The following PTPN12 variants were observed in gnomAD, a reference collection of about 807,000 sequenced individuals.
The protein encoded by PTPN12 is tyrosine-protein phosphatase non-receptor type 12.
Under a neutral mutation model 97.6 loss-of-function variants are expected in PTPN12, and 29 were observed. That is an observed-to-expected ratio of 0.30 (90% confidence interval 0.22 to 0.41). PTPN12 has a LOEUF of 0.41. Among genes scored for constraint, PTPN12 ranks in the 10% least tolerant of loss-of-function variants. The probability of loss-of-function intolerance (pLI) is 1.00; values close to 1 mark genes in which losing one functional copy is unlikely to be tolerated. For synonymous variants in PTPN12, 327 were observed against 300.4 expected, an observed-to-expected ratio of 1.09 and a Z score of -0.91; for missense variants, 819 against 926.0, an observed-to-expected ratio of 0.88 and a Z score of 1.50.
chr7:77,545,306 C>G, intron 1 of PTPN12, among the ~76,000 whole-genome samples: 1 of 152,184 alleles, frequency 6.6e-6, no homozygotes, highest in Non-Finnish European at 1.5e-5. Flanking sequence ...ATCATACTCA[C>G]TTTCAAGTGG....
chr7:77,560,023 C>T (rs377488442), intron 1 of PTPN12, among the ~76,000 whole-genome samples: 7 of 152,182 alleles, frequency 4.6e-5, no homozygotes, highest in South Asian at 2.1e-4. Flanking sequence ...CTGTTCATCT[C>T]TTATCACTAG....
chr7:77,568,212 A>G (rs1481795025), intron 1 of PTPN12, among the ~76,000 whole-genome samples: 2 of 152,178 alleles, frequency 1.3e-5, no homozygotes, highest in African/African-American at 4.8e-5. Flanking sequence ...ATGAAAATCC[A>G]AACTTAAATA....
rs375276952 is a variant in PTPN12, at chr7:77,632,420, A to G, written c.2069A>G (p.Glu690Gly). 20 of 1,605,494 alleles carry G rather than the reference A, an allele frequency of 1.2e-5. No homozygotes were observed. The highest frequency in any genetic ancestry group is 1.6e-5 in the Non-Finnish European group (19 of 1,172,546). ...CCTGAATCGTTTGTGTTAGCAAGTG[A>G]ACATAGTGAGTGTCTCTTTTGCTTT... ...RTPESFVLAS[E>G]HNTPVRSEWS... Residue 690 changes from glutamate (E) to glycine (G), a missense_variant, in exon 14 of 18, where the codon GAA becomes GGA. Glu to Gly is a moderately conservative substitution (Grantham distance 98). This residue lies in a region of PTPN12 where 607 missense variants were observed against 577.3 expected (regional missense o/e 1.05). Transcript: ENST00000248594.
chr7:77,595,653 ATATTTAC>A (rs1788000567), intron 6 of PTPN12, among the ~76,000 whole-genome samples: 1 of 152,266 alleles, frequency 6.6e-6, no homozygotes, highest in African/African-American at 2.4e-5. Flanking sequence ...AAAGCCAAAA[ATATTTAC>A]TATCTGGTCC....
Position 77,600,813 on chromosome 7 carries a change from A to C in PTPN12, c.695+7A>C. 6.3e-7 allele frequency: 1 copy of C among 1,578,288 alleles called. No individual in the cohort carries two copies. ...CTATTTGTATTCATTGCAGGTACAA[A>C]AGAATTTCCCAAGTTTATAAATACA... On this transcript the variant is annotated splice_region_variant and intron_variant, in intron 8 of 17. Coordinates refer to ENST00000248594, the MANE Select transcript of PTPN12 (RefSeq NM_002835.4).
intron 13 of PTPN12, 139 bp downstream of exon 13, chr7:77,627,814 A>G: frequency 1.3e-6 from 1 of 763,254 alleles, no homozygotes; most frequent in South Asian, 3.9e-5. Flanking sequence ...TTAGATACTA[A>G]TTTTTTAATA....
Position 77,537,463 on chromosome 7 carries a change from G to A in PTPN12, c.-84G>A. On this transcript the variant is annotated 5_prime_UTR_variant, in exon 1 of 18. Transcript: ENST00000248594. ...GGAGGGAGGGACGTGCTGGGGGAAC[G>A]AGCTGGGGAAGACGGAGCGGGCTCT... The A allele has an allele frequency of 6.9e-7, 1 of 1,444,852 alleles. No individual in the cohort carries two copies. Among genetic ancestry groups the A allele is most frequent in the Non-Finnish European group, 9.1e-7 (1 of 1,094,072 alleles). 89.5% of individuals were successfully genotyped at this position (1,444,852 alleles called of 1,614,324 possible). A position where few individuals can be genotyped will look rare whatever the true frequency, so the allele number is the denominator to read the frequency against.
At chr7:77,601,201 G>T (rs553027183) in intron 8 of PTPN12, among the ~76,000 whole-genome samples, 34 of 152,118 alleles carry the variant, frequency 2.2e-4, no homozygotes, top group African/African-American at 7.2e-4. Flanking sequence ...ACTGACATGA[G>T]ATTTTTAAAA....
intron 2 of PTPN12, among the ~76,000 whole-genome samples, chr7:77,572,736 T>C (rs1469537142): frequency 6.6e-6 from 1 of 152,240 alleles, no homozygotes; most frequent in East Asian, 1.9e-4. Flanking sequence ...AAATGGAGAT[T>C]ATAATAATAC....
chr7:77,546,251 A>C (rs118144484), intron 1 of PTPN12, among the ~76,000 whole-genome samples: 2,791 of 152,272 alleles, frequency 0.018, 34 homozygotes, highest in Middle Eastern at 0.071. Flanking sequence ...AAATGTGATT[A>C]ATTCTCACCT....
intron 1 of PTPN12, among the ~76,000 whole-genome samples, chr7:77,555,864 G>A (rs1265009107): frequency 1.3e-5 from 2 of 150,958 alleles, no homozygotes; most frequent in Admixed American, 6.6e-5. Flanking sequence ...GCAGTGAGCC[G>A]AGATCACACC....
intron 14 of PTPN12, among the ~76,000 whole-genome samples, chr7:77,634,137 C>T (rs1432912950): frequency 3.3e-5 from 5 of 151,948 alleles, no homozygotes; most frequent in African/African-American, 1.2e-4. Context: ...TAGTTGGAGG[C>T]TGCAGTGAGC....
At chr7:77,637,900 T>G (rs1226712156) in intron 16 of PTPN12, among the ~76,000 whole-genome samples, 1 of 141,794 alleles carries the variant, frequency 7.1e-6, no homozygotes, top group Non-Finnish European at 1.5e-5. Flanking sequence ...TATTTCAAGG[T>G]GCAAATAGTG....
chr7:77,629,939 C>CAAAAA (rs1168132976), intron 13 of PTPN12, among the ~76,000 whole-genome samples: 2 of 98,888 alleles, frequency 2.0e-5, no homozygotes, highest in African/African-American at 3.6e-5. Context: ...GACCCTGTCT[C>CAAAAA]AAAAAAAAAA....
At chr7:77,556,728 G>A (rs377211896) in intron 1 of PTPN12, among the ~76,000 whole-genome samples, 1 of 152,034 alleles carries the variant, frequency 6.6e-6, no homozygotes, top group African/African-American at 2.4e-5. Context: ...TACTCGGGAG[G>A]CTGAGGCAGG....
rs904877698 is a variant in PTPN12 at position 77,583,414 on chromosome 7, T to C, written c.286-141T>C. On this transcript the variant is annotated intron_variant, in intron 3 of 17. Coordinates refer to ENST00000248594, the MANE Select transcript of PTPN12 (RefSeq NM_002835.4). ...GAATATATTTTGCCATGCTTTAATATACTATGAAAGACACATTATTTGGAA... is the reference window on the plus strand; with the variant it reads ...GAATATATTTTGCCATGCTTTAATACACTATGAAAGACACATTATTTGGAA... 2.2e-5 allele frequency: 13 copies of C among 598,734 alleles called. No homozygotes were observed. In the South Asian group the frequency reaches 2.6e-4, roughly 12 times the overall value. The allele number at this position is 598,734 out of a possible 1,614,324, so 37.1% of individuals were successfully genotyped here. A position where few individuals can be genotyped will look rare whatever the true frequency, so the allele number is the denominator to read the frequency against.
chr7:77,603,987 C>T (rs1467576993), intron 8 of PTPN12, among the ~76,000 whole-genome samples: 2 of 140,608 alleles, frequency 1.4e-5, no homozygotes, highest in African/African-American at 5.4e-5. Context: ...CTCCTGGGTT[C>T]ATGCGATTCT....
At chr7:77,550,547 T>G (rs1217445587) in intron 1 of PTPN12, among the ~76,000 whole-genome samples, 1 of 152,146 alleles carries the variant, frequency 6.6e-6, no homozygotes, top group Non-Finnish European at 1.5e-5. Context: ...CATTATTAAC[T>G]GAAGAGTAAT....
At chr7:77,542,809 G>A (rs931346887) in intron 1 of PTPN12, among the ~76,000 whole-genome samples, 2 of 152,082 alleles carry the variant, frequency 1.3e-5, no homozygotes, top group Non-Finnish European at 2.9e-5. Context: ...TTAAAACTGC[G>A]GTGCCTCTGA....
Sources: allele counts gnomAD v4.1 joint callset (sites outside exome capture counted in the v4.1 genomes callset), GRCh38; gene constraint gnomAD v4.1.1; regional missense constraint gnomAD v4.1.1; transcripts MANE v1.5; gene names NCBI Gene and HGNC (gene_info 2026-07-23, HGNC 2026-07-21).